Variants in NFATC1 observed in about 807,000 individuals in gnomAD.
The protein encoded by NFATC1 is nuclear factor of activated T cells 1.
Under a neutral mutation model 76.0 loss-of-function variants are expected in NFATC1, and 22 were observed. That is an observed-to-expected ratio of 0.29 (90% CI 0.21 to 0.41). The LOEUF is 0.41. Ranked by LOEUF, NFATC1 falls within the 10% of genes least tolerant of loss-of-function variation. NFATC1 has a pLI of 1.00. For synonymous variants in NFATC1, 704 were observed against 613.1 expected (o/e 1.15, Z -2.19); for missense variants, 1,357 against 1,337.7 (o/e 1.01, Z -0.23).
intron 1 of NFATC1, among the ~76,000 whole-genome samples, chr18:79,408,498 T>A (rs932313074): frequency 3.3e-5 from 5 of 152,260 alleles, no homozygotes; most frequent in Non-Finnish European, 7.3e-5. Flanking sequence ...TAATGATTCT[T>A]AGGACTAGCT....
intron 9 of NFATC1, among the ~76,000 whole-genome samples, chr18:79,518,757 AG>A (rs1208130401): frequency 1.3e-5 from 2 of 152,186 alleles, no homozygotes; most frequent in African/African-American, 4.8e-5. Context: ...CCCAGCTCCA[AG>A]GAGAGCTGTG....
intron 9 of NFATC1, among the ~76,000 whole-genome samples, chr18:79,495,867 G>A (rs1230758469): frequency 2.6e-5 from 4 of 152,070 alleles, no homozygotes; most frequent in Admixed American, 1.3e-4. Flanking sequence ...TAAGGTGTCC[G>A]CAAGTGTCAC....
intron 8 of NFATC1, among the ~76,000 whole-genome samples, chr18:79,471,698 G>A (rs1224793538): frequency 1.3e-5 from 2 of 152,210 alleles, no homozygotes; most frequent in African/African-American, 4.8e-5. Flanking sequence ...GTCCAGCTGA[G>A]GGTCATCCCG....
In NFATC1 at chr18:79,516,699, A is replaced by C. The variant is rs369478374; in HGVS notation, c.2783-10829A>C. Among the ~76,000 whole-genome samples, 6 of 152,238 alleles carry C rather than the reference A, an allele frequency of 3.9e-5. No individual in the cohort carries two copies. The East Asian group carries it at 9.6e-4, about 24-fold the overall frequency. ...TTTCTAAGAGGTTGCTTCTTCTCAA[A>C]AAATTAAAAAACCCACATGAGAGGC... On this transcript the variant is annotated intron_variant, in intron 9 of 9. Transcript: ENST00000427363.
At position 79,398,861 on chromosome 18, in the gene NFATC1, G is replaced by C. The variant is rs2085088966; in HGVS notation, c.127+2510G>C. ...AGGCAAGCGGATCACGAGGTCAAGAGATCGAGACCATCCTGGTCAACATGG... is the reference window on the plus strand; with the variant it reads ...AGGCAAGCGGATCACGAGGTCAAGACATCGAGACCATCCTGGTCAACATGG... On this transcript the variant is annotated intron_variant, in intron 1 of 9. Coordinates refer to ENST00000427363, the MANE Select transcript of NFATC1 (RefSeq NM_001278669.2). Among the ~76,000 whole-genome samples the C allele has an allele frequency of 2.0e-5, 3 of 152,242 alleles. No individual in the cohort carries two copies. The South Asian group carries it at 6.2e-4, about 31-fold the overall frequency.
At chr18:79,427,182 C>T (rs183629968) in intron 2 of NFATC1, among the ~76,000 whole-genome samples, 52 of 152,238 alleles carry the variant, frequency 3.4e-4, no homozygotes, top group African/African-American at 8.2e-4. Flanking sequence ...TGTGCCATGC[C>T]GTGACGTTGT....
chr18:79,488,298 T>TTGTGTGTGTGTGTG (rs3222211), intron 9 of NFATC1, among the ~76,000 whole-genome samples: 5 of 141,010 alleles, frequency 3.5e-5, no homozygotes, highest in Admixed American at 6.7e-5. Flanking sequence ...GCAGCCCTGG[T>TTGTGTGTGTGTGTG]TGTGTGTGTG....
intron 9 of NFATC1, among the ~76,000 whole-genome samples, chr18:79,513,656 G>T (rs2090313671): frequency 6.6e-6 from 1 of 152,216 alleles, no homozygotes; most frequent in South Asian, 2.1e-4. Flanking sequence ...GGGCATGGGG[G>T]CGGTTTCCCT....
intron 3 of NFATC1, among the ~76,000 whole-genome samples, chr18:79,442,085 C>T (rs779282071): frequency 3.3e-5 from 5 of 152,160 alleles, no homozygotes; most frequent in African/African-American, 1.2e-4. Flanking sequence ...AGGTGGGAAG[C>T]GCGCTGGTGG....
At chr18:79,483,872 G>A (rs1341201480) in intron 8 of NFATC1, among the ~76,000 whole-genome samples, 4 of 142,044 alleles carry the variant, frequency 2.8e-5, no homozygotes, top group African/African-American at 1.1e-4. Flanking sequence ...TCACTCCAGC[G>A]TGACGTGGTT....
chr18:79,399,114 T>G (rs754291182), intron 1 of NFATC1, among the ~76,000 whole-genome samples: 47 of 152,258 alleles, frequency 3.1e-4, no homozygotes, highest in Non-Finnish European at 6.3e-4. Flanking sequence ...ACGTTGTGGC[T>G]TCTCAACAGA....
chr18:79,448,012 G>A (rs1174285225), intron 3 of NFATC1, among the ~76,000 whole-genome samples: 2 of 152,168 alleles, frequency 1.3e-5, no homozygotes, highest in Non-Finnish European at 2.9e-5. Context: ...GTGGGGCCCG[G>A]CCACTAGTGT....
chr18:79,414,485 A>C (rs1000630969), intron 2 of NFATC1, among the ~76,000 whole-genome samples: 4 of 152,182 alleles, frequency 2.6e-5, no homozygotes, highest in African/African-American at 4.8e-5. Context: ...TGTGGCCCCC[A>C]GTGCTATGCA....
intron 1 of NFATC1, among the ~76,000 whole-genome samples, chr18:79,402,790 A>G (rs1444034623): frequency 6.6e-6 from 1 of 152,144 alleles, no homozygotes; most frequent in Non-Finnish European, 1.5e-5. Context: ...TTATTACTGC[A>G]TTTTGATGAT....
chr18:79,519,830 G>T (rs1263191423), intron 9 of NFATC1, among the ~76,000 whole-genome samples: 1 of 152,200 alleles, frequency 6.6e-6, no homozygotes, highest in East Asian at 1.9e-4. Flanking sequence ...TCCTCTTGCA[G>T]CTTAAAGTGG....
intron 1 of NFATC1, among the ~76,000 whole-genome samples, chr18:79,407,724 CGT>C (rs1194050830): frequency 1.3e-5 from 2 of 152,190 alleles, no homozygotes; most frequent in Non-Finnish European, 2.9e-5. Flanking sequence ...GGATTATAGG[CGT>C]GAGCCACCGC....
intron 9 of NFATC1, among the ~76,000 whole-genome samples, chr18:79,509,696 A>G (rs2090199081): frequency 6.6e-6 from 1 of 151,566 alleles, no homozygotes; most frequent in Non-Finnish European, 1.5e-5. Flanking sequence ...AGGTGCCGGC[A>G]CAGTCTGAGC....
At chr18:79,500,997 A>G (rs2090000330) in intron 9 of NFATC1, among the ~76,000 whole-genome samples, 1 of 152,198 alleles carries the variant, frequency 6.6e-6, no homozygotes, top group Non-Finnish European at 1.5e-5. Flanking sequence ...AAGCCAGTAT[A>G]GCCCTAATAC....
At chr18:79,475,952 T>C (rs762902951) in intron 8 of NFATC1, among the ~76,000 whole-genome samples, 8 of 151,728 alleles carry the variant, frequency 5.3e-5, no homozygotes, top group Non-Finnish European at 1.2e-4. Flanking sequence ...CAGACTTCTG[T>C]GAAAGAGCCA....
Sources: gnomAD v4.1 joint callset for allele counts (sites outside exome capture counted in the v4.1 genomes callset) on GRCh38, gnomAD v4.1.1 for gene constraint, MANE v1.5 for transcripts, NCBI Gene and HGNC (gene_info 2026-07-23, HGNC 2026-07-21) for gene names.